The following AKAP13 variants were observed in gnomAD, a reference collection of about 807,000 sequenced individuals.
AKAP13 encodes A-kinase anchoring protein 13.
AKAP13 carries 80 observed loss-of-function variants against 264.5 expected under a neutral mutation model. The observed-to-expected ratio is 0.30, with a 90% CI of 0.25 to 0.36. The LOEUF (loss-of-function observed/expected upper bound fraction) is 0.36. AKAP13 is among the 10% of genes least tolerant of loss of function. The probability of loss-of-function intolerance (pLI) is 1.00; values close to 1 mark genes in which losing one functional copy is unlikely to be tolerated. For synonymous variants in AKAP13, 1,380 were observed against 1,250.2 expected, an observed-to-expected ratio of 1.10 and a Z score of -2.19; for missense variants, 3,712 against 3,435.2, an observed-to-expected ratio of 1.08 and a Z score of -2.01.
chr15:85,386,055 C>A (rs1045651413), intron 1 of AKAP13, among the ~76,000 whole-genome samples: 1 of 152,128 alleles, frequency 6.6e-6, no homozygotes, highest in Non-Finnish European at 1.5e-5. Flanking sequence ...GAACTCCTAA[C>A]CTCAAGTGAT....
chr15:85,660,005 A>G (rs1037346191), intron 12 of AKAP13, among the ~76,000 whole-genome samples: 2 of 152,158 alleles, frequency 1.3e-5, no homozygotes, highest in African/African-American at 4.8e-5. Flanking sequence ...CTGTTACCAG[A>G]AAGGGCAGAC....
chr15:85,656,796 G>C (rs550999423), intron 11 of AKAP13, among the ~76,000 whole-genome samples: 2 of 152,290 alleles, frequency 1.3e-5, no homozygotes, highest in East Asian at 3.9e-4. Flanking sequence ...TAAGCAGATG[G>C]TTTTAGCTTT....
rs79997114 is a variant in AKAP13 at position 85,747,923 on chromosome 15, G to A, written c.*3246G>A. The A allele has an allele frequency of 0.024, 3,687 of 153,166 alleles. 69 individuals are homozygous for A. Among genetic ancestry groups the A allele is most frequent in the Middle Eastern group, 0.054 (16 of 294 alleles). The allele number at this position is 153,166 out of a possible 1,614,324, so 9.5% of individuals were successfully genotyped here. A position where few individuals can be genotyped will look rare whatever the true frequency, so the allele number is the denominator to read the frequency against. ...CCTTCCTGAGGCCTCAGTATTAGTC[G>A]TGAGCACAAAGTTTTGAGACCTTTG... On this transcript the variant is annotated 3_prime_UTR_variant, in exon 37 of 37. Transcript: ENST00000394518.
intron 1 of AKAP13, among the ~76,000 whole-genome samples, chr15:85,467,687 T>C (rs2151015583): frequency 1.3e-5 from 2 of 152,340 alleles, no homozygotes; most frequent in South Asian, 4.2e-4. Context: ...AAAGACTGTA[T>C]TTTTACTGTT....
chr15:85,660,352 CAAAAAAAAAAAAA>C (rs35636118), intron 12 of AKAP13, among the ~76,000 whole-genome samples: 1 of 68,564 alleles, frequency 1.5e-5, no homozygotes, highest in South Asian at 8.8e-4. Flanking sequence ...ATCTAAGTCT[CAAAAAAAAAAAAA>C]AAAAAAAAAA....
At chr15:85,484,279 G>C (rs890089643) in intron 1 of AKAP13, among the ~76,000 whole-genome samples, 1 of 143,862 alleles carries the variant, frequency 7.0e-6, no homozygotes, top group Non-Finnish European at 1.5e-5. Flanking sequence ...AATTGACTTT[G>C]TTCTTCTAAA....
chr15:85,596,465 G>A (rs2079830282), intron 8 of AKAP13, among the ~76,000 whole-genome samples: 1 of 152,042 alleles, frequency 6.6e-6, no homozygotes, highest in South Asian at 2.1e-4. Flanking sequence ...AGGCGTGGTG[G>A]CATGCTCCTT....
At chr15:85,462,619 G>C (rs1449217242) in intron 1 of AKAP13, among the ~76,000 whole-genome samples, 1 of 152,130 alleles carries the variant, frequency 6.6e-6, no homozygotes, top group Non-Finnish European at 1.5e-5. Context: ...TAGCTGATAA[G>C]GATTTTAAAG....
chr15:85,713,392 C>CT (rs1386817625), intron 19 of AKAP13, among the ~76,000 whole-genome samples: 1 of 152,266 alleles, frequency 6.6e-6, no homozygotes, highest in African/African-American at 2.4e-5. Context: ...ATTGTCCTCT[C>CT]TTTTTTCTTC....
At chr15:85,390,375 C>G (rs1042979151) in intron 1 of AKAP13, among the ~76,000 whole-genome samples, 6 of 152,130 alleles carry the variant, frequency 3.9e-5, no homozygotes, top group Admixed American at 3.3e-4. Flanking sequence ...GAGCAAGTCA[C>G]ATGAAGATTC....
intron 2 of AKAP13, among the ~76,000 whole-genome samples, chr15:85,501,080 CA>C (rs1323523404): frequency 1.3e-5 from 2 of 152,134 alleles, no homozygotes; most frequent in Admixed American, 1.3e-4. Flanking sequence ...TAAAGAAGGC[CA>C]GGGGTGATCT....
intron 1 of AKAP13, among the ~76,000 whole-genome samples, chr15:85,441,075 G>A (rs899981609): frequency 6.6e-6 from 1 of 152,180 alleles, no homozygotes; most frequent in Non-Finnish European, 1.5e-5. Context: ...TTTCACATAT[G>A]TAGATACCTA....
At chr15:85,592,689 C>A (rs774020361) in intron 8 of AKAP13, among the ~76,000 whole-genome samples, 20 of 152,230 alleles carry the variant, frequency 1.3e-4, no homozygotes, top group Middle Eastern at 3.4e-3. Flanking sequence ...CAGTTTTTTT[C>A]ATGTAGATTT....
intron 8 of AKAP13, among the ~76,000 whole-genome samples, chr15:85,618,918 A>G (rs890046993): frequency 2.6e-5 from 4 of 152,228 alleles, no homozygotes; most frequent in Non-Finnish European, 5.9e-5. Context: ...TCCTAGAGAC[A>G]TAACTGCAAT....
At chr15:85,475,631 A>G (rs1464468981) in intron 1 of AKAP13, among the ~76,000 whole-genome samples, 1 of 152,154 alleles carries the variant, frequency 6.6e-6, no homozygotes, top group Non-Finnish European at 1.5e-5. Flanking sequence ...TCTGGTCCCT[A>G]TTACCTCTCT....
At position 85,664,554 on chromosome 15, in the gene AKAP13, T is replaced by C. The variant is rs1567182540; in HGVS notation, c.4800-9T>C. On this transcript the variant is annotated splice_polypyrimidine_tract_variant and intron_variant, in intron 12 of 36. Transcript: ENST00000394518. The stretch of plus-strand genomic sequence containing the variant: ...ATAGAATGAATTAACTTTTGTGCCC[T>C]ATGTTCAGTTTCAGTCTAGAAGGCT... 4 of 1,597,880 alleles carry C rather than the reference T, an allele frequency of 2.5e-6. No individual in the cohort carries two copies. The highest frequency in any genetic ancestry group is 3.4e-6 in the Non-Finnish European group (4 of 1,170,592).
intron 2 of AKAP13, among the ~76,000 whole-genome samples, chr15:85,505,228 T>C (rs1436479177): frequency 6.6e-6 from 1 of 152,260 alleles, no homozygotes; most frequent in East Asian, 1.9e-4. Context: ...CTAAAACTAC[T>C]CCATAGACAC....
chr15:85,710,630 A>T lies in AKAP13; in HGVS notation c.5584A>T (p.Ile1862Phe). The T allele has an allele frequency of 6.2e-7, 1 of 1,613,940 alleles. No homozygotes were observed. The highest frequency in any genetic ancestry group is 8.5e-7 in the Non-Finnish European group (1 of 1,179,900). The change falls in exon 19 of 37, where the codon ATT becomes TTT. Residue 1862 changes from isoleucine (I) to phenylalanine (F), a missense_variant. Physicochemically the swap from Ile to Phe is conservative, Grantham distance 21. Around this residue, in one of 3 missense-constraint regions of AKAP13, gnomAD observed 2,759 missense variants for 2,411.7 expected, o/e 1.14. Coordinates refer to ENST00000394518, the MANE Select transcript of AKAP13 (RefSeq NM_007200.5). ...TGACACATCATCACTGCCCACGGTC[A>T]TTATGAGAAACAAGCGTAAGTAGCT... ...AHDTSSLPTVIMRNKPSQPKE... is the reference protein window; with the variant it reads ...AHDTSSLPTVFMRNKPSQPKE...
chr15:85,646,173 G>C (rs946397669), intron 10 of AKAP13, among the ~76,000 whole-genome samples: 3 of 152,132 alleles, frequency 2.0e-5, no homozygotes, highest in Non-Finnish European at 4.4e-5. Flanking sequence ...CAGATTACCA[G>C]GGTTTAGAAA....
Sources: gnomAD v4.1 joint callset for allele counts (sites outside exome capture counted in the v4.1 genomes callset) on GRCh38, gnomAD v4.1.1 for gene constraint, gnomAD v4.1.1 regional missense constraint, MANE v1.5 for transcripts, NCBI Gene and HGNC (gene_info 2026-07-23, HGNC 2026-07-21) for gene names.